PIK3CD: variants seen among roughly 807,000 people sequenced by gnomAD.
PIK3CD encodes the protein phosphatidylinositol-4,5-bisphosphate 3-kinase catalytic subunit delta.
Under a neutral mutation model 122.9 loss-of-function variants are expected in PIK3CD, and 20 were observed. The observed-to-expected ratio is 0.16, with a 90% CI of 0.11 to 0.24. The LOEUF (loss-of-function observed/expected upper bound fraction) is 0.24, where lower values mean the gene tolerates loss of function less well. Among genes scored for constraint, PIK3CD ranks in the 10% least tolerant of loss-of-function variants. The pLI, the probability that PIK3CD is intolerant of heterozygous loss-of-function variation, is 1.00. For synonymous variants in PIK3CD, 596 were observed against 593.4 expected, an observed-to-expected ratio of 1.00 and a Z score of -0.06; for missense variants, 787 against 1,406.3, an observed-to-expected ratio of 0.56 and a Z score of 7.04.
intron 1 of PIK3CD, among the ~76,000 whole-genome samples, chr1:9,656,506 A>G (rs541869398): frequency 1.3e-5 from 2 of 152,304 alleles, no homozygotes; most frequent in African/African-American, 4.8e-5. Context: ...GTGCATGCTT[A>G]TAGTTTCAGC....
At position 9,717,027 on chromosome 1, in the gene PIK3CD, C is replaced by T. The variant is rs376128746; in HGVS notation, c.849C>T (p.Leu283=). The T allele has an allele frequency of 2.9e-4, 468 of 1,613,884 alleles. 4 individuals carry two copies. In the South Asian group the frequency reaches 4.7e-3, roughly 16 times the overall value. The change falls in exon 7 of 24, where the codon CTC becomes CTT. Residue 283 remains leucine, a synonymous_variant. Transcript: ENST00000377346. The surrounding 1 kb of genome is among the most constrained non-coding windows in gnomAD (Gnocchi z 5.4). ...CCATGGTCCATTCCTCCTCCATCCT[C>T]GCCATGCGGGATGAGCAGAGCAACC... ...HLTMVHSSSI[L]AMRDEQSNPA... is the part of the protein sequence containing the mutation.
chr1:9,659,327 A>G (rs1227317350), intron 1 of PIK3CD, among the ~76,000 whole-genome samples: 1 of 152,194 alleles, frequency 6.6e-6, no homozygotes, highest in African/African-American at 2.4e-5. Flanking sequence ...AAAATAAAAA[A>G]TAATTTAGTC....
intron 1 of PIK3CD, among the ~76,000 whole-genome samples, chr1:9,676,560 C>A (rs1645546226): frequency 6.6e-6 from 1 of 152,246 alleles, no homozygotes; most frequent in South Asian, 2.1e-4. Flanking sequence ...CCTTGCCCAA[C>A]CCCTAGGCCT....
intron 1 of PIK3CD, among the ~76,000 whole-genome samples, chr1:9,667,446 G>A (rs1329251351): frequency 6.6e-6 from 1 of 150,574 alleles, no homozygotes; most frequent in Non-Finnish European, 1.5e-5. Context: ...GCGCAATCTC[G>A]ACTCACTGCA....
intron 1 of PIK3CD, among the ~76,000 whole-genome samples, chr1:9,674,121 G>A (rs1250405899): frequency 6.6e-6 from 1 of 152,178 alleles, no homozygotes; most frequent in Non-Finnish European, 1.5e-5. Context: ...CAGAGCCTGG[G>A]CCAGAGGCAG....
chr1:9,641,465 A>G, the PIK3CD span, among the ~76,000 whole-genome samples: 50 of 145,434 alleles, frequency 3.4e-4, no homozygotes, highest in African/African-American at 1.4e-3. Flanking sequence ...GACTCCTTCA[A>G]GGTCACACAG....
chr1:9,693,209 T>A (rs902651673), intron 2 of PIK3CD, among the ~76,000 whole-genome samples: 2 of 152,040 alleles, frequency 1.3e-5, no homozygotes, highest in African/African-American at 2.4e-5. Flanking sequence ...TCTGTAGCTT[T>A]TATTTATTAT....
At chr1:9,670,018 A>G (rs1249927665) in intron 1 of PIK3CD, among the ~76,000 whole-genome samples, 1 of 152,046 alleles carries the variant, frequency 6.6e-6, no homozygotes, top group Non-Finnish European at 1.5e-5. Flanking sequence ...TACTAAAAAT[A>G]CAAAAATTAG....
chr1:9,657,563 C>T (rs568876274), intron 1 of PIK3CD, among the ~76,000 whole-genome samples: 1 of 152,112 alleles, frequency 6.6e-6, no homozygotes, highest in East Asian at 1.9e-4. Context: ...GTCCCCACCT[C>T]ACCCCCAACC....
Position 9,721,260 on chromosome 1 carries a change from C to T in PIK3CD, c.1811+12C>T, listed in dbSNP as rs1648600394. On this transcript the variant is annotated intron_variant, in intron 14 of 23. Coordinates refer to ENST00000377346, the MANE Select transcript of PIK3CD (RefSeq NM_005026.5). ...CTGCGGAAACTGACGTGAGTCCCAG[C>T]TGGGCGCTCCCCACTTCTCCAGAGG... 6.2e-7 allele frequency: 1 copy of T among 1,613,074 alleles called. No individual in the cohort carries two copies. The highest frequency in any genetic ancestry group is 1.3e-5 in the African/African-American group (1 of 74,930).
At chr1:9,641,785 C>T in the PIK3CD span, among the ~76,000 whole-genome samples, 1 of 152,108 alleles carries the variant, frequency 6.6e-6, no homozygotes, top group East Asian at 1.9e-4. Flanking sequence ...TCCTTTTCCC[C>T]AGGTATTCCC....
chr1:9,679,160 C>A (rs1382609437), intron 1 of PIK3CD, among the ~76,000 whole-genome samples: 1 of 151,506 alleles, frequency 6.6e-6, no homozygotes, highest in Non-Finnish European at 1.5e-5. Context: ...CTCCGCCTCC[C>A]AGGTTCAAGT....
chr1:9,672,190 T>G (rs1394704511), intron 1 of PIK3CD, among the ~76,000 whole-genome samples: 1 of 152,216 alleles, frequency 6.6e-6, no homozygotes, highest in Non-Finnish European at 1.5e-5. Flanking sequence ...CAACTTCTAT[T>G]TTTAAAGCTA....
chr1:9,637,123 T>C, the PIK3CD span, among the ~76,000 whole-genome samples: 8 of 152,080 alleles, frequency 5.3e-5, no homozygotes, highest in Non-Finnish European at 1.2e-4. Context: ...GGTCTCGATC[T>C]CCTGACCTCA....
chr1:9,659,403 A>G (rs1644949208), intron 1 of PIK3CD, among the ~76,000 whole-genome samples: 1 of 152,216 alleles, frequency 6.6e-6, no homozygotes, highest in South Asian at 2.1e-4. Flanking sequence ...TACATAACAT[A>G]AAATTTACCA....
In PIK3CD at chr1:9,715,958, G is replaced by A; in HGVS notation, c.480G>A (p.Glu160=). Residue 160 remains glutamate, a synonymous_variant, in exon 5 of 24, where the codon GAG becomes GAA. Transcript: ENST00000377346. This position sits in a 1 kb window ranked among gnomAD's most constrained non-coding sequence, Gnocchi z 4.1. ...AAARRQQLGW[E]AWLQYSFPLQ... ...CCCGCCGGCAGCAGCTGGGCTGGGAGGCCTGGCTGCAGTACAGTTTCCCCC... is the reference window on the plus strand; with the variant it reads ...CCCGCCGGCAGCAGCTGGGCTGGGAAGCCTGGCTGCAGTACAGTTTCCCCC... 1 of 1,612,412 alleles carries A rather than the reference G, an allele frequency of 6.2e-7. No homozygotes were observed. The highest frequency in any genetic ancestry group is 8.5e-7 in the Non-Finnish European group (1 of 1,179,846).
At chr1:9,667,121 C>T (rs1318026499) in intron 1 of PIK3CD, among the ~76,000 whole-genome samples, 3 of 152,304 alleles carry the variant, frequency 2.0e-5, no homozygotes, top group Admixed American at 1.3e-4. Context: ...GCCTCTGCCT[C>T]CCAAAGTGCT....
At chr1:9,658,731 T>C (rs1644931071) in intron 1 of PIK3CD, among the ~76,000 whole-genome samples, 1 of 152,000 alleles carries the variant, frequency 6.6e-6, no homozygotes, top group Non-Finnish European at 1.5e-5. Flanking sequence ...GGTTTCGCCA[T>C]ATTGGCCAGG....
At chr1:9,637,261 G>T in the PIK3CD span, among the ~76,000 whole-genome samples, 248 of 152,042 alleles carry the variant, frequency 1.6e-3, 1 homozygote, top group African/African-American at 5.5e-3. Flanking sequence ...CAGGTATGAT[G>T]GTCCACACCT....
Sources: gnomAD v4.1 joint callset for allele counts (sites outside exome capture counted in the v4.1 genomes callset) on GRCh38, gnomAD v4.1.1 for gene constraint, Gnocchi (gnomAD v3.1) non-coding constraint, MANE v1.5 for transcripts, NCBI Gene and HGNC (gene_info 2026-07-23, HGNC 2026-07-21) for gene names.